The following TMTC4 variants were observed in gnomAD, a reference collection of about 807,000 sequenced individuals.
The protein encoded by TMTC4 is transmembrane O-mannosyltransferase targeting cadherins 4.
Under a neutral mutation model 86.0 loss-of-function variants are expected in TMTC4, and 65 were observed. The observed-to-expected ratio is 0.76, with a 90% confidence interval of 0.62 to 0.93. The LOEUF is 0.93. Ranked by LOEUF, TMTC4 falls within the 40% of genes least tolerant of loss-of-function variation. TMTC4 has a pLI of 0.00. For synonymous variants in TMTC4, 379 were observed against 382.5 expected (o/e 0.99, Z 0.11); for missense variants, 866 against 948.1 (o/e 0.91, Z 1.14).
chr13:100,615,474 T>C (rs887089870), intron 15 of TMTC4, among the ~76,000 whole-genome samples: 3 of 151,108 alleles, frequency 2.0e-5, no homozygotes, highest in African/African-American at 7.3e-5. Context: ...TCTCGCTCTG[T>C]TGCCCAGGCT....
At chr13:100,636,500 C>T (rs780798852) in intron 10 of TMTC4, 32 bp downstream of exon 10, 15 of 1,612,474 alleles carry the variant, frequency 9.3e-6, no homozygotes, top group Middle Eastern at 3.5e-4. Context: ...ACTCAACCAG[C>T]GTGGAACTTA....
At chr13:100,621,014 T>C (rs1052513157) in intron 15 of TMTC4, among the ~76,000 whole-genome samples, 2 of 152,172 alleles carry the variant, frequency 1.3e-5, no homozygotes, top group African/African-American at 2.4e-5. Context: ...GCAGGAACAG[T>C]TGGCGGAATG....
Position 100,604,115 on chromosome 13 carries a change from T to A in TMTC4, c.*879A>T, listed in dbSNP as rs1456703167. On this transcript the variant is annotated 3_prime_UTR_variant, in exon 19 of 19. Transcript: ENST00000342624. The stretch of plus-strand genomic sequence containing the variant: ...GAATGTGGCTCCATTTGATAGAAAA[T>A]TTTGCATTTTCTGGATAATGTCTGT... 1.3e-5 allele frequency: 2 copies of A among 152,580 alleles called. No homozygotes were observed. Among genetic ancestry groups the A allele is most frequent in the Non-Finnish European group, 2.9e-5 (2 of 68,026 alleles). The allele number at this position is 152,580 out of a possible 1,614,324, so 9.5% of individuals were successfully genotyped here. A position where few individuals can be genotyped will look rare whatever the true frequency, so the allele number is the denominator to read the frequency against.
chr13:100,650,220 G>C (rs2138961180), intron 6 of TMTC4, among the ~76,000 whole-genome samples: 1 of 152,328 alleles, frequency 6.6e-6, no homozygotes, highest in African/African-American at 2.4e-5. Flanking sequence ...ACATGCCTAG[G>C]CAATGTTCTT....
chr13:100,605,384 T>C lies in TMTC4; in HGVS notation c.2135-242A>G, dbSNP rs1217101468. On this transcript the variant is annotated intron_variant, in intron 18 of 18. Coordinates refer to ENST00000342624, the MANE Select transcript of TMTC4 (RefSeq NM_032813.5). This position sits in a 1 kb window ranked among gnomAD's most constrained non-coding sequence, Gnocchi z 4.3. ...GCACTAGATAAGATACATCTGCCTA[T>C]AGTAACATTATTACATAAAGAAGCA... Among the ~76,000 whole-genome samples the C allele has an allele frequency of 3.9e-5, 6 of 152,186 alleles. No individual in the cohort carries two copies. The highest frequency in any genetic ancestry group is 5.9e-5 in the Non-Finnish European group (4 of 68,038).
At chr13:100,662,906 T>C (rs1392178703) in intron 5 of TMTC4, 58 bp downstream of exon 5, 1 of 1,583,992 alleles carries the variant, frequency 6.3e-7, no homozygotes, top group Non-Finnish European at 8.6e-7. Context: ...CCAGGCGACA[T>C]GGGGGTGTCA....
At chr13:100,673,889 A>C (rs1428863212) in intron 1 of TMTC4, among the ~76,000 whole-genome samples, 2 of 152,126 alleles carry the variant, frequency 1.3e-5, no homozygotes, top group Non-Finnish European at 2.9e-5. Flanking sequence ...GTCAGTCCCT[A>C]CTATAACTGT....
intron 12 of TMTC4, among the ~76,000 whole-genome samples, chr13:100,627,712 G>A (rs138972692): frequency 6.6e-6 from 1 of 152,268 alleles, no homozygotes; most frequent in East Asian, 1.9e-4. Context: ...TATACTTCTA[G>A]GTCCCAGGGG....
intron 12 of TMTC4, among the ~76,000 whole-genome samples, chr13:100,627,267 C>A (rs766193502): frequency 1.5e-4 from 23 of 152,344 alleles, no homozygotes; most frequent in Non-Finnish European, 2.9e-4. Context: ...AGGCTAGGAT[C>A]AGTCGTTGTC....
chr13:100,612,639 G>A (rs1291362988), intron 16 of TMTC4, 129 bp from the exon 17 acceptor site: 1 of 623,118 alleles, frequency 1.6e-6, no homozygotes, highest in East Asian at 3.1e-5. Context: ...AAGAAAATCT[G>A]TGTAGATCAT....
chr13:100,651,115 GA>G (rs978823676), intron 6 of TMTC4, among the ~76,000 whole-genome samples: 2 of 152,058 alleles, frequency 1.3e-5, no homozygotes, highest in African/African-American at 4.8e-5. Flanking sequence ...TCCCCCTCTG[GA>G]AAAGACTCTC....
rs7987438 is a variant in TMTC4 at position 100,674,738 on chromosome 13, C to A, written c.-208+6G>T. The A allele has an allele frequency of 0.3, 293,692 of 983,216 alleles. 44,913 individuals carry two copies. The highest frequency in any genetic ancestry group is 0.59 in the East Asian group (5,125 of 8,658). 60.9% of individuals were successfully genotyped at this position (983,216 alleles called of 1,614,324 possible). On this transcript the variant is annotated splice_donor_region_variant and intron_variant, in intron 1 of 18. Coordinates refer to ENST00000342624, the MANE Select transcript of TMTC4 (RefSeq NM_032813.5). ...TCGGCCCTGCAGGGGCCGCCCCGCG[C>A]GTTACCTGCAAGGAGCCTGAGCCCC...
intron 6 of TMTC4, among the ~76,000 whole-genome samples, chr13:100,643,339 T>G (rs1195754397): frequency 6.6e-6 from 1 of 152,234 alleles, no homozygotes; most frequent in Non-Finnish European, 1.5e-5. Flanking sequence ...TATGGCTCTA[T>G]GTAAGCATCT....
At chr13:100,644,976 A>G (rs1475758059) in intron 6 of TMTC4, among the ~76,000 whole-genome samples, 1 of 151,984 alleles carries the variant, frequency 6.6e-6, no homozygotes, top group Non-Finnish European at 1.5e-5. Context: ...TACCACGCCC[A>G]GCTAATTTTT....
At chr13:100,658,265 A>C (rs1885345827) in intron 5 of TMTC4, among the ~76,000 whole-genome samples, 1 of 152,138 alleles carries the variant, frequency 6.6e-6, no homozygotes, top group Non-Finnish European at 1.5e-5. Flanking sequence ...GTCTATGAAC[A>C]GGAGTAGCAG....
Position 100,636,751 on chromosome 13 carries a change from G to A in TMTC4, c.1000-17C>T, listed in dbSNP as rs774543791. On this transcript the variant is annotated splice_polypyrimidine_tract_variant and intron_variant, in intron 9 of 18. Coordinates refer to ENST00000342624, the MANE Select transcript of TMTC4 (RefSeq NM_032813.5). ...GTTTACGGCCTGCCAGTCAAAAGGA[G>A]AACAAACATCTATTTGATACTGAAC... The A allele has an allele frequency of 5.6e-6, 9 of 1,613,252 alleles. No homozygotes were observed. In the Admixed American group the frequency reaches 6.7e-5, roughly 12 times the overall value.
At chr13:100,658,373 C>T (rs569835728) in intron 5 of TMTC4, among the ~76,000 whole-genome samples, 6 of 152,114 alleles carry the variant, frequency 3.9e-5, no homozygotes, top group East Asian at 1.9e-4. Context: ...GTGGTCCTCA[C>T]GCCAGGAGGA....
intron 1 of TMTC4, among the ~76,000 whole-genome samples, chr13:100,672,618 GTAGC>G (rs1887263677): frequency 6.6e-6 from 1 of 152,102 alleles, no homozygotes; most frequent in African/African-American, 2.4e-5. Context: ...AGCCTCCCAA[GTAGC>G]TGGGACTATA....
At chr13:100,642,129 G>A in intron 7 of TMTC4, 82 bp downstream of exon 7, 2 of 1,455,608 alleles carry the variant, frequency 1.4e-6, no homozygotes, top group Middle Eastern at 1.9e-4. Context: ...ACGCCACAGA[G>A]GCAGGGCCAG....
Sources: gnomAD v4.1 joint callset for allele counts (sites outside exome capture counted in the v4.1 genomes callset) on GRCh38, gnomAD v4.1.1 for gene constraint, Gnocchi (gnomAD v3.1) non-coding constraint, MANE v1.5 for transcripts, NCBI Gene and HGNC (gene_info 2026-07-23, HGNC 2026-07-21) for gene names.